The following UBE4B variants were observed in gnomAD, a reference collection of about 807,000 sequenced individuals.
The protein encoded by UBE4B is ubiquitination factor E4B.
UBE4B carries 27 observed loss-of-function variants against 148.1 expected under a neutral mutation model. That is an observed-to-expected ratio of 0.18 (90% confidence interval 0.13 to 0.25). The LOEUF (loss-of-function observed/expected upper bound fraction) is 0.25, where lower values mean the gene tolerates loss of function less well. Ranked by LOEUF, UBE4B falls within the 10% of genes least tolerant of loss-of-function variation. The pLI is 1.00. For missense variants in UBE4B, 1,170 were observed against 1,662.4 expected (o/e 0.70, Z 5.15); for synonymous variants, 596 against 619.3 (o/e 0.96, Z 0.56).
At chr1:10,175,278 A>G (rs1034402572) in intron 25 of UBE4B, among the ~76,000 whole-genome samples, 10 of 152,180 alleles carry the variant, frequency 6.6e-5, no homozygotes, top group Non-Finnish European at 1.5e-4. Flanking sequence ...GACAGACTGC[A>G]TATCTGTCGT....
intron 3 of UBE4B, among the ~76,000 whole-genome samples, chr1:10,096,003 T>G (rs925496813): frequency 6.6e-6 from 1 of 152,180 alleles, no homozygotes; most frequent in Non-Finnish European, 1.5e-5. Context: ...ACTCCTGGCC[T>G]CAAGAGATCT....
intron 2 of UBE4B, among the ~76,000 whole-genome samples, chr1:10,081,894 T>G (rs537853576): frequency 2.2e-4 from 33 of 152,270 alleles, no homozygotes; most frequent in African/African-American, 7.7e-4. Context: ...TTTAAATTAT[T>G]TGTGCAGACA....
intron 17 of UBE4B, among the ~76,000 whole-genome samples, chr1:10,143,864 A>G (rs1645823296): frequency 6.6e-6 from 1 of 152,226 alleles, no homozygotes; most frequent in South Asian, 2.1e-4. Context: ...AGCTTCAGCC[A>G]AAACCCCTCT....
At chr1:10,094,014 T>C (rs1644891059) in intron 2 of UBE4B, among the ~76,000 whole-genome samples, 2 of 152,156 alleles carry the variant, frequency 1.3e-5, no homozygotes, top group Admixed American at 6.6e-5. Flanking sequence ...TTTAAACATG[T>C]GTCATTTTCC....
intron 25 of UBE4B, 78 bp from the exon 26 acceptor site, chr1:10,178,566 A>C: frequency 7.0e-7 from 1 of 1,437,476 alleles, no homozygotes. Context: ...AATGGATAAT[A>C]CTTTGGATAT....
chr1:10,146,441 G>A (rs1645874326), intron 18 of UBE4B, among the ~76,000 whole-genome samples: 1 of 152,174 alleles, frequency 6.6e-6, no homozygotes, highest in South Asian at 2.1e-4. Flanking sequence ...AACAGAGCAA[G>A]ACTCTGTCTC....
At chr1:10,179,684 G>A in intron 27 of UBE4B, 122 bp downstream of exon 27, 1 of 1,502,922 alleles carries the variant, frequency 6.7e-7, no homozygotes, top group South Asian at 1.2e-5. Context: ...CCTACTTTAT[G>A]ACACTCTGTA....
intron 2 of UBE4B, among the ~76,000 whole-genome samples, chr1:10,088,586 G>A (rs1202370492): frequency 1.3e-5 from 2 of 152,030 alleles, no homozygotes; most frequent in East Asian, 1.9e-4. Context: ...ATGTTGGCCA[G>A]GTTGGTCTTG....
intron 1 of UBE4B, among the ~76,000 whole-genome samples, chr1:10,042,181 G>A (rs942008300): frequency 6.6e-6 from 1 of 152,170 alleles, no homozygotes; most frequent in South Asian, 2.1e-4. Context: ...GGGAAAGAAG[G>A]CAGAAAGACT....
intron 7 of UBE4B, chr1:10,107,440 T>C: frequency 8.1e-7 from 1 of 1,230,500 alleles, no homozygotes; most frequent in Non-Finnish European, 1.0e-6. Context: ...TTCTATAAGC[T>C]CTAACAAGGG....
At chr1:10,158,782 G>A (rs1316309666) in intron 22 of UBE4B, among the ~76,000 whole-genome samples, 1 of 152,160 alleles carries the variant, frequency 6.6e-6, no homozygotes, top group African/African-American at 2.4e-5. Flanking sequence ...GCAGAGGCGG[G>A]CGGATCACTT....
chr1:10,152,103 A>G (rs1244090051), intron 21 of UBE4B, among the ~76,000 whole-genome samples: 1 of 150,930 alleles, frequency 6.6e-6, no homozygotes, highest in Non-Finnish European at 1.5e-5. Context: ...CTAAAAATAG[A>G]AAAAAAAATT....
chr1:10,077,643 A>G (rs1218253171), intron 2 of UBE4B, among the ~76,000 whole-genome samples: 1 of 152,220 alleles, frequency 6.6e-6, no homozygotes, highest in Non-Finnish European at 1.5e-5. Flanking sequence ...GCGAAGTAAG[A>G]TTTGAGTTCT....
At chr1:10,069,073 A>G (rs1644440571) in intron 1 of UBE4B, among the ~76,000 whole-genome samples, 1 of 152,170 alleles carries the variant, frequency 6.6e-6, no homozygotes, top group Non-Finnish European at 1.5e-5. Flanking sequence ...AAACCTTAGA[A>G]TCCTTTCTTT....
At chr1:10,096,498 G>A (rs1644930196) in intron 3 of UBE4B, among the ~76,000 whole-genome samples, 1 of 152,084 alleles carries the variant, frequency 6.6e-6, no homozygotes, top group South Asian at 2.1e-4. Context: ...TTGGGAGGCC[G>A]AGGCAGGTGG....
At chr1:10,101,261 TAG>T (rs1645005739) in intron 4 of UBE4B, 66 bp downstream of exon 4, 1 of 1,498,070 alleles carries the variant, frequency 6.7e-7, no homozygotes, top group Non-Finnish European at 9.2e-7. Context: ...CTTGTATCTG[TAG>T]AGTCTGTTAG....
intron 17 of UBE4B, 56 bp downstream of exon 17, chr1:10,137,261 G>C: frequency 1.2e-6 from 2 of 1,605,884 alleles, no homozygotes; most frequent in South Asian, 1.1e-5. Flanking sequence ...TTTTCTCAGG[G>C]GCAGGCAATT....
intron 6 of UBE4B, among the ~76,000 whole-genome samples, 198 bp downstream of exon 6, chr1:10,105,942 T>A (rs1206349475): frequency 6.6e-6 from 1 of 152,280 alleles, no homozygotes; most frequent in African/African-American, 2.4e-5. Flanking sequence ...ATGGTTAAGA[T>A]ATTGCTAGAT....
At chr1:10,085,730 G>A (rs893587979) in intron 2 of UBE4B, among the ~76,000 whole-genome samples, 1 of 152,042 alleles carries the variant, frequency 6.6e-6, no homozygotes, top group African/African-American at 2.4e-5. Context: ...CACTAACAGC[G>A]TGCATTTGAT....
Sources: gnomAD v4.1 joint callset for allele counts (sites outside exome capture counted in the v4.1 genomes callset) on GRCh38, gnomAD v4.1.1 for gene constraint, MANE v1.5 for transcripts, NCBI Gene and HGNC (gene_info 2026-07-23, HGNC 2026-07-21) for gene names.